Variants in SMG1 observed in about 807,000 individuals in gnomAD.
The protein encoded by SMG1 is serine/threonine-protein kinase SMG1.
A neutral mutation model predicts 419.9 loss-of-function variants in SMG1; 22 were observed. That is an observed-to-expected ratio of 0.05 (90% CI 0.04 to 0.07). The LOEUF (loss-of-function observed/expected upper bound fraction) is 0.07, where lower values mean the gene tolerates loss of function less well. Among genes scored for constraint, SMG1 ranks in the 10% least tolerant of loss-of-function variants. The pLI is 1.00. For missense variants in SMG1, 3,185 were observed against 4,342.0 expected (o/e 0.73, Z 7.49); for synonymous variants, 1,538 against 1,553.5 (o/e 0.99, Z 0.23).
rs2036178443 is a variant in SMG1 at position 18,877,251 on chromosome 16, T to A, written c.1519-19A>T. On this transcript the variant is annotated intron_variant, in intron 11 of 62. Transcript: ENST00000446231. ...CAACAATCTAAAAGAATAAAATTTT[T>A]AAAAAATGAGCTTCTCCAATTACAA... 3.4e-6 allele frequency: 5 copies of A among 1,484,076 alleles called. No homozygotes were observed. The highest frequency in any genetic ancestry group is 3.6e-6 in the Non-Finnish European group (4 of 1,107,296). The allele number at this position is 1,484,076 out of a possible 1,614,324, so 91.9% of individuals were successfully genotyped here. A position where few individuals can be genotyped will look rare whatever the true frequency, so the allele number is the denominator to read the frequency against.
intron 1 of SMG1, among the ~76,000 whole-genome samples, chr16:18,914,262 CATATT>C (rs2037891413): frequency 6.6e-6 from 1 of 151,898 alleles, no homozygotes; most frequent in African/African-American, 2.4e-5. Context: ...AAGTCCTACA[CATATT>C]ATATGAAAAC....
chr16:18,924,433 TTATA>T (rs1256830227), intron 1 of SMG1, among the ~76,000 whole-genome samples: 1 of 152,216 alleles, frequency 6.6e-6, no homozygotes, highest in African/African-American at 2.4e-5. Context: ...CTAAATTCTC[TTATA>T]TACTTATACT....
chr16:18,807,504 G>A lies in SMG1; in HGVS notation c.*2065C>T, dbSNP rs191853599. On this transcript the variant is annotated 3_prime_UTR_variant, in exon 63 of 63. Transcript: ENST00000446231. ...CCTTAACTTGCTATTGGACACATGG[G>A]TATTTCAAAAAAATCCACCGTGCCT... The A allele has an allele frequency of 6.6e-6, 1 of 151,812 alleles. No homozygotes were observed. The highest frequency in any genetic ancestry group is 1.9e-4 in the East Asian group (1 of 5,152). The allele number at this position is 151,812 out of a possible 1,614,324, so 9.4% of individuals were successfully genotyped here.
At chr16:18,813,619 T>C (rs568408302) in intron 60 of SMG1, among the ~76,000 whole-genome samples, 2 of 152,340 alleles carry the variant, frequency 1.3e-5, no homozygotes, top group South Asian at 4.1e-4. Context: ...GGTTGCCTGT[T>C]CACTCTGATG....
At chr16:18,885,022 T>C in intron 8 of SMG1, 68 bp downstream of exon 8, 1 of 649,136 alleles carries the variant, frequency 1.5e-6, no homozygotes, top group South Asian at 1.7e-5. Context: ...TATTGATAGA[T>C]GGTCACTGGG....
intron 17 of SMG1, 29 bp from the exon 18 acceptor site, chr16:18,870,740 G>A: frequency 6.3e-7 from 1 of 1,574,814 alleles, no homozygotes; most frequent in South Asian, 1.1e-5. Context: ...GACAAAGCAG[G>A]TGTGTTAACA....
intron 1 of SMG1, among the ~76,000 whole-genome samples, chr16:18,910,997 T>C (rs1170797314): frequency 1.3e-5 from 2 of 152,224 alleles, no homozygotes; most frequent in African/African-American, 4.8e-5. Flanking sequence ...ACCCTTTCTC[T>C]ATATACATTC....
In SMG1 at chr16:18,834,875, G is replaced by T; in HGVS notation, c.8330+17C>A. The T allele has an allele frequency of 1.2e-6, 2 of 1,608,000 alleles. No individual in the cohort carries two copies. The highest frequency in any genetic ancestry group is 2.2e-5 in the South Asian group (2 of 90,690). The stretch of plus-strand genomic sequence containing the variant: ...TAAGACACAGGAAATGGTCCAATAT[G>T]AAGTTGGCTAACTTACCTTGTAAGG... On this transcript the variant is annotated intron_variant, in intron 49 of 62. Coordinates refer to ENST00000446231, the MANE Select transcript of SMG1 (RefSeq NM_015092.5).
Position 18,812,141 on chromosome 16 carries a change from G to C in SMG1, c.10622-14C>G, listed in dbSNP as rs749406460. On this transcript the variant is annotated splice_polypyrimidine_tract_variant and intron_variant, in intron 60 of 62. Coordinates refer to ENST00000446231, the MANE Select transcript of SMG1 (RefSeq NM_015092.5). ...TACTCCGGACTGCTACAGAGAAAGA[G>C]TTGGTGGCTCAATTTACATGTAAAC... 3.1e-6 allele frequency: 5 copies of C among 1,605,382 alleles called. No individual in the cohort carries two copies. The highest frequency in any genetic ancestry group is 4.3e-6 in the Non-Finnish European group (5 of 1,175,730).
chr16:18,925,761 G>C lies in SMG1; in HGVS notation c.92+189C>G, dbSNP rs541170115. ...GCCCCGGGCTGAACAAGCAGGGAGG[G>C]GAGGCACTTAGGCCTCGCCTCCCCG... is the stretch of plus-strand genomic sequence containing the variant. On this transcript the variant is annotated intron_variant, in intron 1 of 62. Transcript: ENST00000446231. 4,584 of 467,590 alleles carry C rather than the reference G, an allele frequency of 9.8e-3. 31 individuals are homozygous for C. The highest frequency in any genetic ancestry group is 0.014 in the Non-Finnish European group (3,681 of 267,812). 29.0% of individuals were successfully genotyped at this position (467,590 alleles called of 1,614,324 possible). A position where few individuals can be genotyped will look rare whatever the true frequency, so the allele number is the denominator to read the frequency against.
intron 10 of SMG1, among the ~76,000 whole-genome samples, chr16:18,881,529 C>A (rs1039512904): frequency 6.6e-6 from 1 of 152,108 alleles, no homozygotes; most frequent in African/African-American, 2.4e-5. Context: ...TTCATCAGTT[C>A]GATTAAATCT....
At chr16:18,853,280 T>C (rs974219449) in intron 31 of SMG1, among the ~76,000 whole-genome samples, 2 of 152,204 alleles carry the variant, frequency 1.3e-5, no homozygotes, top group African/African-American at 4.8e-5. Flanking sequence ...CAGGTAACTA[T>C]TTTAAATCTT....
rs1040475643 is a variant in SMG1, at chr16:18,816,134, TA to T, written c.10302+167del. On this transcript the variant is annotated intron_variant, in intron 58 of 62. Coordinates refer to ENST00000446231, the MANE Select transcript of SMG1 (RefSeq NM_015092.5). ...AAATTCAAACTACTACTACTGGCTT[TA>T]AAAAATAGTTGATGAAAACACAAGT... is the stretch of plus-strand genomic sequence containing the variant. The T allele has an allele frequency of 1.2e-4, 75 of 622,990 alleles. 1 individual carries two copies. The highest frequency in any genetic ancestry group is 9.2e-5 in the Admixed American group (3 of 32,532). 38.6% of individuals were successfully genotyped at this position (622,990 alleles called of 1,614,324 possible).
At chr16:18,917,386 T>C (rs1471696785) in intron 1 of SMG1, among the ~76,000 whole-genome samples, 1 of 151,804 alleles carries the variant, frequency 6.6e-6, no homozygotes, top group Non-Finnish European at 1.5e-5. Context: ...CGACCTCAGA[T>C]GATCCACCCA....
Position 18,859,702 on chromosome 16 carries a change from G to C in SMG1, c.3807C>G (p.Asp1269Glu), listed in dbSNP as rs373767883. Residue 1269 changes from aspartate to glutamate, a missense_variant and splice_region_variant, in exon 27 of 63, where the codon GAC becomes GAG. Coordinates refer to ENST00000446231, the MANE Select transcript of SMG1 (RefSeq NM_015092.5). ...ACATGTTAGGAAGCAGTTTTTTCAT[G>C]TCTACCAAAGTTAAATAAAACGTCA... ...LLAGGSKEKI[D>E]MKKLLPNMLS... 6.3e-7 allele frequency: 1 copy of C among 1,591,720 alleles called. No individual in the cohort carries two copies. Among genetic ancestry groups the C allele is most frequent in the Non-Finnish European group, 8.5e-7 (1 of 1,170,032 alleles).
At chr16:18,921,210 G>A (rs920977457) in intron 1 of SMG1, among the ~76,000 whole-genome samples, 1 of 151,720 alleles carries the variant, frequency 6.6e-6, no homozygotes, top group Non-Finnish European at 1.5e-5. Flanking sequence ...TTTATTAGTG[G>A]TGTGGTGGTA....
In SMG1 at chr16:18,839,719, A is replaced by G; in HGVS notation, c.6924T>C (p.Asp2308=). ...ATACCTGCGTAACTCTCCACCATTCATCAGGTGTTGTGCAAGATGACCAGA... is the reference window on the plus strand; with the variant it reads ...ATACCTGCGTAACTCTCCACCATTCGTCAGGTGTTGTGCAAGATGACCAGA... The part of the protein sequence containing the change: ...KELWSSCTTP[D]EWWRVTQSYA... Residue 2308 remains aspartate (D), a synonymous_variant, in exon 42 of 63, where the codon GAT becomes GAC. Coordinates refer to ENST00000446231, the MANE Select transcript of SMG1 (RefSeq NM_015092.5). 1 of 1,614,034 alleles carries G rather than the reference A, an allele frequency of 6.2e-7. No homozygotes were observed. Among genetic ancestry groups the G allele is most frequent in the Non-Finnish European group, 8.5e-7 (1 of 1,179,902 alleles).
chr16:18,876,667 T>TTC (rs1567411638), intron 12 of SMG1, among the ~76,000 whole-genome samples: 1 of 127,886 alleles, frequency 7.8e-6, no homozygotes, highest in African/African-American at 2.5e-5. Flanking sequence ...AATGGCCGTT[T>TTC]TTTTTTTTTT....
At chr16:18,871,606 A>G (rs551967939) in intron 15 of SMG1, 124 bp from the exon 16 acceptor site, 7 of 460,926 alleles carry the variant, frequency 1.5e-5, no homozygotes, top group African/African-American at 1.2e-4. Context: ...AATAAAAAAT[A>G]AAAATAAAAA....
Sources: gnomAD v4.1 joint callset for allele counts (sites outside exome capture counted in the v4.1 genomes callset) on GRCh38, gnomAD v4.1.1 for gene constraint, MANE v1.5 for transcripts, NCBI Gene and HGNC (gene_info 2026-07-23, HGNC 2026-07-21) for gene names.